Variants in CDK5RAP2 observed in about 807,000 individuals in gnomAD.
The protein encoded by CDK5RAP2 is CDK5 regulatory subunit associated protein 2.
CDK5RAP2 carries 147 observed loss-of-function variants against 232.9 expected under a neutral mutation model. The ratio of observed to expected loss-of-function variants is 0.63; its 90% CI spans 0.55 to 0.72. The LOEUF is 0.72. CDK5RAP2 is among the 30% of genes least tolerant of loss of function. The pLI, the probability that CDK5RAP2 is intolerant of heterozygous loss-of-function variation, is 0.00. For missense variants in CDK5RAP2, 2,195 were observed against 2,231.5 expected (o/e 0.98, Z 0.33); for synonymous variants, 833 against 833.7 (o/e 1.00, Z 0.01).
At chr9:120,560,402 C>T (rs2042419430) in intron 3 of CDK5RAP2, among the ~76,000 whole-genome samples, 1 of 152,136 alleles carries the variant, frequency 6.6e-6, no homozygotes. Flanking sequence ...TTCTCCAACC[C>T]ACCCATACTG....
intron 27 of CDK5RAP2, among the ~76,000 whole-genome samples, 192 bp from the exon 28 acceptor site, chr9:120,415,351 T>C (rs2034149650): frequency 6.6e-6 from 1 of 152,248 alleles, no homozygotes; most frequent in Non-Finnish European, 1.5e-5. Context: ...TCTGTAATGA[T>C]TCTCTGCAGC....
At chr9:120,416,332 T>C (rs1204296211) in intron 27 of CDK5RAP2, among the ~76,000 whole-genome samples, 3 of 152,216 alleles carry the variant, frequency 2.0e-5, no homozygotes, top group African/African-American at 7.2e-5. Context: ...GGGGTTGGAT[T>C]AATTTGCTAG....
At chr9:120,413,813 GGGA>G (rs998852559) in intron 28 of CDK5RAP2, among the ~76,000 whole-genome samples, 14 of 135,878 alleles carry the variant, frequency 1.0e-4, no homozygotes, top group African/African-American at 3.2e-4. Context: ...TGAGCGAGGA[GGGA>G]GGAGGGAGGA....
intron 23 of CDK5RAP2, 32 bp downstream of exon 23, chr9:120,443,588 C>T: frequency 6.2e-7 from 1 of 1,612,896 alleles, no homozygotes; most frequent in Admixed American, 1.7e-5. Flanking sequence ...CACATGGAAG[C>T]TGTTCAATAC....
chr9:120,548,118 A>G (rs1476618314), intron 4 of CDK5RAP2, among the ~76,000 whole-genome samples: 1 of 152,212 alleles, frequency 6.6e-6, no homozygotes, highest in Non-Finnish European at 1.5e-5. Context: ...ACTGTCAAAC[A>G]ACAAGAATTA....
At chr9:120,443,577 G>A (rs1388823999) in intron 23 of CDK5RAP2, 43 bp downstream of exon 23, 10 of 1,607,744 alleles carry the variant, frequency 6.2e-6, no homozygotes, top group Non-Finnish European at 8.5e-6. Context: ...ATGGTGCCTG[G>A]CACATGGAAG....
intron 19 of CDK5RAP2, 137 bp downstream of exon 19, chr9:120,460,435 G>A (rs1466572443): frequency 1.3e-6 from 1 of 782,810 alleles, no homozygotes. Flanking sequence ...CCTAGTCTTT[G>A]CTTTCCACTG....
At chr9:120,431,757 C>T (rs1329332170) in intron 25 of CDK5RAP2, among the ~76,000 whole-genome samples, 1 of 152,188 alleles carries the variant, frequency 6.6e-6, no homozygotes, top group Non-Finnish European at 1.5e-5. Flanking sequence ...TTCTTTGTAC[C>T]TTTCCCAGTG....
At chr9:120,573,450 G>A (rs1465167211) in intron 1 of CDK5RAP2, among the ~76,000 whole-genome samples, 2 of 151,880 alleles carry the variant, frequency 1.3e-5, no homozygotes, top group East Asian at 1.9e-4. Flanking sequence ...TTGAGAGGCT[G>A]AGGCAGGAGA....
chr9:120,441,903 G>C (rs749450963), intron 23 of CDK5RAP2, among the ~76,000 whole-genome samples: 1 of 152,204 alleles, frequency 6.6e-6, no homozygotes, highest in Non-Finnish European at 1.5e-5. Flanking sequence ...CTGCGACAGA[G>C]AATGTACTCA....
At chr9:120,516,713 C>G (rs1029211485) in intron 12 of CDK5RAP2, among the ~76,000 whole-genome samples, 1 of 152,084 alleles carries the variant, frequency 6.6e-6, no homozygotes, top group African/African-American at 2.4e-5. Context: ...CCCAAAGTCC[C>G]AGCTACACAG....
chr9:120,400,608 C>A (rs889627683), intron 35 of CDK5RAP2, 134 bp downstream of exon 35: 5 of 1,031,010 alleles, frequency 4.8e-6, no homozygotes, highest in Non-Finnish European at 7.3e-6. Context: ...CCATGGCAAA[C>A]GGTGCCATCT....
chr9:120,404,241 T>C, intron 32 of CDK5RAP2, 128 bp from the exon 33 acceptor site: 2 of 715,932 alleles, frequency 2.8e-6, no homozygotes, highest in East Asian at 5.4e-5. Context: ...CTTCAAATCT[T>C]CACTGGGCCT....
At chr9:120,392,965 T>C (rs2032129971) in intron 36 of CDK5RAP2, among the ~76,000 whole-genome samples, 1 of 152,132 alleles carries the variant, frequency 6.6e-6, no homozygotes, top group Admixed American at 6.5e-5. Flanking sequence ...TGGAGTCCTG[T>C]CCACAAGGCT....
chr9:120,496,865 A>G (rs2039302070), intron 12 of CDK5RAP2, among the ~76,000 whole-genome samples: 1 of 140,596 alleles, frequency 7.1e-6, no homozygotes, highest in Admixed American at 6.8e-5. Context: ...CCCTACTGGG[A>G]GGTGGGGAGC....
At chr9:120,549,534 G>C (rs1313898021) in intron 4 of CDK5RAP2, among the ~76,000 whole-genome samples, 1 of 152,186 alleles carries the variant, frequency 6.6e-6, no homozygotes, top group East Asian at 1.9e-4. Flanking sequence ...ACCTCACGTA[G>C]TAGCTATATG....
At chr9:120,394,826 G>A (rs1212101861) in intron 35 of CDK5RAP2, among the ~76,000 whole-genome samples, 188 bp from the exon 36 acceptor site, 1 of 152,192 alleles carries the variant, frequency 6.6e-6, no homozygotes, top group Non-Finnish European at 1.5e-5. Context: ...AGGGTAAGGG[G>A]AAAGCACCTC....
intron 13 of CDK5RAP2, among the ~76,000 whole-genome samples, chr9:120,488,865 G>A (rs1221409646): frequency 6.6e-6 from 1 of 152,220 alleles, no homozygotes; most frequent in Non-Finnish European, 1.5e-5. Context: ...TCAAATCTGG[G>A]CTTTCTACCT....
At chr9:120,399,422 G>A (rs2032798309) in intron 35 of CDK5RAP2, among the ~76,000 whole-genome samples, 1 of 152,196 alleles carries the variant, frequency 6.6e-6, no homozygotes, top group African/African-American at 2.4e-5. Flanking sequence ...ACCATCCTCT[G>A]AAGGAAAATA....
Sources: allele counts gnomAD v4.1 joint callset (sites outside exome capture counted in the v4.1 genomes callset), GRCh38; gene constraint gnomAD v4.1.1; transcripts MANE v1.5; gene names NCBI Gene and HGNC (gene_info 2026-07-23, HGNC 2026-07-21).